Variants in AUTS2 observed in about 807,000 individuals in gnomAD.
The protein encoded by AUTS2 is autism susceptibility gene 2 protein.
AUTS2 carries 17 observed loss-of-function variants against 112.4 expected under a neutral mutation model. The observed-to-expected ratio is 0.15, with a 90% CI of 0.10 to 0.23. The LOEUF (loss-of-function observed/expected upper bound fraction) is 0.23. AUTS2 is among the 10% of genes least tolerant of loss of function. AUTS2 has a pLI of 1.00. For missense variants in AUTS2, 1,510 were observed against 1,701.6 expected, an observed-to-expected ratio of 0.89 and a Z score of 1.98; for synonymous variants, 751 against 702.7, an observed-to-expected ratio of 1.07 and a Z score of -1.09.
At chr7:70,067,802 C>A (rs192294062) in intron 2 of AUTS2, among the ~76,000 whole-genome samples, 1 of 151,430 alleles carries the variant, frequency 6.6e-6, no homozygotes, top group Non-Finnish European at 1.5e-5. Context: ...AAAGTGAGCC[C>A]GTGATCACAC....
At chr7:70,530,792 C>G (rs559762848) in intron 5 of AUTS2, among the ~76,000 whole-genome samples, 5 of 152,286 alleles carry the variant, frequency 3.3e-5, no homozygotes, top group Admixed American at 6.5e-5. Flanking sequence ...AGATTCTTCT[C>G]TCTCCTGCTT....
intron 1 of AUTS2, among the ~76,000 whole-genome samples, chr7:69,636,084 ATTCC>A (rs1220812172): frequency 6.6e-6 from 1 of 152,156 alleles, no homozygotes; most frequent in Admixed American, 6.5e-5. Context: ...CCCATTTTTT[ATTCC>A]TTCTACCAAG....
At chr7:70,746,679 C>G (rs1485564081) in intron 6 of AUTS2, among the ~76,000 whole-genome samples, 1 of 151,948 alleles carries the variant, frequency 6.6e-6, no homozygotes, top group Non-Finnish European at 1.5e-5. Flanking sequence ...GGGGAGAGCG[C>G]AGGATCTTGG....
In AUTS2 at chr7:70,382,633, C is replaced by T. The variant is rs77266204; in HGVS notation, c.661-53119C>T. On this transcript the variant is annotated intron_variant, in intron 4 of 18. Transcript: ENST00000342771. Reference sequence around the variant, plus strand: ...AGGCCCTAGTTCTCTACCACTCTGCCTTTGCCCATTGTGTTTCTATCTGGA... The same window carrying T: ...AGGCCCTAGTTCTCTACCACTCTGCTTTTGCCCATTGTGTTTCTATCTGGA... 8.3e-3 allele frequency among the ~76,000 whole-genome samples: 1,263 copies of T among 152,272 alleles called. 13 individuals are homozygous for T. The highest frequency in any genetic ancestry group is 0.012 in the Non-Finnish European group (803 of 68,022).
intron 1 of AUTS2, among the ~76,000 whole-genome samples, chr7:69,660,010 T>G (rs1400884462): frequency 2.0e-5 from 3 of 152,246 alleles, no homozygotes; most frequent in African/African-American, 7.2e-5. Flanking sequence ...GGATAAAAAC[T>G]AGAACCTCCA....
At chr7:69,825,112 A>T (rs906686094) in intron 1 of AUTS2, among the ~76,000 whole-genome samples, 1 of 152,190 alleles carries the variant, frequency 6.6e-6, no homozygotes, top group Non-Finnish European at 1.5e-5. Flanking sequence ...GCGTTTACAT[A>T]GTTATCTTTT....
At chr7:70,426,382 T>C (rs1795439173) in intron 4 of AUTS2, among the ~76,000 whole-genome samples, 1 of 152,214 alleles carries the variant, frequency 6.6e-6, no homozygotes, top group Non-Finnish European at 1.5e-5. Context: ...TGCTCCACTT[T>C]AAGGACATAC....
chr7:70,499,032 T>C (rs1490386784), intron 5 of AUTS2, among the ~76,000 whole-genome samples: 1 of 152,134 alleles, frequency 6.6e-6, no homozygotes, highest in Admixed American at 6.5e-5. Context: ...ACATTGGTTT[T>C]GGCATCTCTC....
At chr7:70,028,950 T>C (rs1319044639) in intron 2 of AUTS2, among the ~76,000 whole-genome samples, 1 of 152,112 alleles carries the variant, frequency 6.6e-6, no homozygotes, top group South Asian at 2.1e-4. Flanking sequence ...CACTGTACTC[T>C]AGCTACATAG....
At chr7:70,703,046 G>A (rs1239842031) in intron 6 of AUTS2, among the ~76,000 whole-genome samples, 2 of 152,172 alleles carry the variant, frequency 1.3e-5, no homozygotes, top group South Asian at 2.1e-4. Flanking sequence ...GTTACCCAGC[G>A]ATACTGCTGG....
intron 2 of AUTS2, among the ~76,000 whole-genome samples, chr7:69,991,519 C>T (rs1340845797): frequency 1.3e-5 from 2 of 152,020 alleles, no homozygotes; most frequent in Non-Finnish European, 2.9e-5. Context: ...GTTAGGTAGC[C>T]CTTGGGTGTG....
intron 4 of AUTS2, among the ~76,000 whole-genome samples, chr7:70,180,087 A>G (rs1043004003): frequency 6.6e-6 from 1 of 152,198 alleles, no homozygotes; most frequent in Non-Finnish European, 1.5e-5. Context: ...TTTATTATGG[A>G]AGTCTTTCAG....
chr7:70,365,645 AT>A (rs1335924108), intron 4 of AUTS2, among the ~76,000 whole-genome samples: 1 of 152,258 alleles, frequency 6.6e-6, no homozygotes, highest in African/African-American at 2.4e-5. Context: ...AGTAGACACT[AT>A]TGTCTGGTAA....
At chr7:70,680,531 C>G (rs1808155434) in intron 5 of AUTS2, among the ~76,000 whole-genome samples, 1 of 152,210 alleles carries the variant, frequency 6.6e-6, no homozygotes, top group Admixed American at 6.5e-5. Context: ...GTTCTCTAAT[C>G]TGCCTACAGG....
At chr7:70,444,713 C>T (rs758409857) in intron 5 of AUTS2, among the ~76,000 whole-genome samples, 70 of 152,146 alleles carry the variant, frequency 4.6e-4, no homozygotes, top group Non-Finnish European at 9.0e-4. Flanking sequence ...TTCAGGTACC[C>T]GAAGAATAAC....
intron 4 of AUTS2, among the ~76,000 whole-genome samples, chr7:70,418,800 C>T (rs112953673): frequency 1.5e-3 from 232 of 151,668 alleles, no homozygotes; most frequent in African/African-American, 5.2e-3. Context: ...ATAAAAGTGA[C>T]CCAAACTCTT....
At chr7:70,047,063 G>T (rs1466376713) in intron 2 of AUTS2, among the ~76,000 whole-genome samples, 1 of 152,098 alleles carries the variant, frequency 6.6e-6, no homozygotes, top group Non-Finnish European at 1.5e-5. Flanking sequence ...TATGCAGTTC[G>T]GGGGTGATCT....
At chr7:69,857,746 G>A (rs565679868) in intron 1 of AUTS2, among the ~76,000 whole-genome samples, 2 of 152,176 alleles carry the variant, frequency 1.3e-5, no homozygotes, top group South Asian at 4.1e-4. Flanking sequence ...GAACCTGGGA[G>A]GCGGAGGTTG....
At chr7:70,075,555 A>G (rs1333002889) in intron 2 of AUTS2, among the ~76,000 whole-genome samples, 1 of 152,250 alleles carries the variant, frequency 6.6e-6, no homozygotes. Flanking sequence ...TCCTTAATGT[A>G]CAAATAATAA....
Sources: allele counts gnomAD v4.1 joint callset (sites outside exome capture counted in the v4.1 genomes callset), GRCh38; gene constraint gnomAD v4.1.1; transcripts MANE v1.5; gene names NCBI Gene and HGNC (gene_info 2026-07-23, HGNC 2026-07-21).